Variants in IMPG2 observed in about 807,000 individuals in gnomAD.
IMPG2 encodes the protein IPM 200.
Under a neutral mutation model 129.2 loss-of-function variants are expected in IMPG2, and 91 were observed. The ratio of observed to expected loss-of-function variants is 0.70; its 90% confidence interval spans 0.59 to 0.84. IMPG2 has a LOEUF of 0.84. Ranked by LOEUF, IMPG2 falls within the 40% of genes least tolerant of loss-of-function variation. The pLI, the probability that IMPG2 is intolerant of heterozygous loss-of-function variation, is 0.00. For missense variants in IMPG2, 1,430 were observed against 1,461.7 expected, an observed-to-expected ratio of 0.98 and a Z score of 0.35; for synonymous variants, 510 against 517.7, an observed-to-expected ratio of 0.99 and a Z score of 0.20.
intron 4 of IMPG2, among the ~76,000 whole-genome samples, chr3:101,286,296 G>A (rs556788325): frequency 2.6e-5 from 4 of 152,084 alleles, no homozygotes; most frequent in Non-Finnish European, 4.4e-5. Flanking sequence ...ATTTAAAAGG[G>A]CAAATATCAT....
chr3:101,229,653 T>G, intron 16 of IMPG2, 63 bp from the exon 17 acceptor site: 1 of 1,394,286 alleles, frequency 7.2e-7, no homozygotes, highest in Non-Finnish European at 1.0e-6. Flanking sequence ...GGAAGACTAT[T>G]TACCTGGGAC....
Position 101,295,528 on chromosome 3 carries a change from T to C in IMPG2, c.502-4018A>G, listed in dbSNP as rs149048455. 3.0e-3 allele frequency among the ~76,000 whole-genome samples: 454 copies of C among 152,324 alleles called. 1 individual carries two copies. The highest frequency in any genetic ancestry group is 0.01 in the African/African-American group (426 of 41,566). ...AGGTAGCATGATGCTTCCAGCTTTG[T>C]TGTTTTTGCTTAAGATTGTCTTAGC... On this transcript the variant is annotated intron_variant, in intron 3 of 18. Transcript: ENST00000193391.
At chr3:101,281,516 T>C (rs906063245) in intron 4 of IMPG2, among the ~76,000 whole-genome samples, 2 of 152,156 alleles carry the variant, frequency 1.3e-5, no homozygotes, top group African/African-American at 4.8e-5. Context: ...TAGCAGAGTA[T>C]TTGGTGCAAG....
chr3:101,283,487 T>C (rs1416304315), intron 4 of IMPG2, among the ~76,000 whole-genome samples: 1 of 152,158 alleles, frequency 6.6e-6, no homozygotes, highest in Non-Finnish European at 1.5e-5. Context: ...ATGATGAAGG[T>C]GTTTTGTTTT....
intron 11 of IMPG2, among the ~76,000 whole-genome samples, chr3:101,250,094 A>T (rs1489108538): frequency 6.6e-6 from 1 of 152,096 alleles, no homozygotes; most frequent in East Asian, 1.9e-4. Flanking sequence ...ACACCATGGA[A>T]TTACCAGGAG....
chr3:101,290,746 T>G (rs541261159), intron 4 of IMPG2, among the ~76,000 whole-genome samples: 1 of 152,178 alleles, frequency 6.6e-6, no homozygotes, highest in East Asian at 1.9e-4. Flanking sequence ...CTGACTCTGA[T>G]GCCCAGGTTG....
intron 4 of IMPG2, among the ~76,000 whole-genome samples, chr3:101,286,654 C>T (rs1706949202): frequency 6.6e-6 from 1 of 152,200 alleles, no homozygotes; most frequent in Non-Finnish European, 1.5e-5. Context: ...ACCAGTCTAG[C>T]TTCCGATGGC....
At chr3:101,242,309 A>T (rs2107217555) in intron 14 of IMPG2, among the ~76,000 whole-genome samples, 1 of 152,334 alleles carries the variant, frequency 6.6e-6, no homozygotes, top group South Asian at 2.1e-4. Flanking sequence ...AGTTATTGAC[A>T]TTTATATAAG....
intron 14 of IMPG2, among the ~76,000 whole-genome samples, chr3:101,234,224 G>C (rs965212176): frequency 2.0e-5 from 3 of 150,660 alleles, no homozygotes; most frequent in Non-Finnish European, 4.4e-5. Context: ...TATAAGAAGA[G>C]GGAAATTTGG....
chr3:101,240,107 C>CTTTATTT (rs780368721), intron 14 of IMPG2, among the ~76,000 whole-genome samples: 1 of 151,744 alleles, frequency 6.6e-6, no homozygotes, highest in South Asian at 2.1e-4. Flanking sequence ...TTGTAATTCT[C>CTTTATTT]TTTATTTTTT....
chr3:101,227,679 G>A, intron 18 of IMPG2: 1 of 401,768 alleles, frequency 2.5e-6, no homozygotes. Context: ...GCAGACGCCT[G>A]GTGATATTGC....
chr3:101,227,396 T>A (rs553289846), intron 18 of IMPG2, among the ~76,000 whole-genome samples: 1 of 152,240 alleles, frequency 6.6e-6, no homozygotes, highest in South Asian at 2.1e-4. Flanking sequence ...AGACTCTGTG[T>A]GTGTATTTTA....
chr3:101,304,867 A>AAG (rs1553685934), intron 2 of IMPG2, among the ~76,000 whole-genome samples: 2 of 151,616 alleles, frequency 1.3e-5, no homozygotes, highest in Non-Finnish European at 2.9e-5. Flanking sequence ...AAAAAAAAAA[A>AAG]CAGGAGTATT....
chr3:101,229,156 G>A (rs116174022), intron 17 of IMPG2, among the ~76,000 whole-genome samples: 2,389 of 144,750 alleles, frequency 0.017, 72 homozygotes, highest in African/African-American at 0.057. Flanking sequence ...AAAAAAAAGC[G>A]CCATTGTGGG....
chr3:101,273,169 T>A (rs1706805862), intron 7 of IMPG2, among the ~76,000 whole-genome samples: 1 of 152,206 alleles, frequency 6.6e-6, no homozygotes, highest in African/African-American at 2.4e-5. Context: ...ACCTATGTGT[T>A]AACTATTGAA....
chr3:101,282,913 G>A (rs78758258), intron 4 of IMPG2, among the ~76,000 whole-genome samples: 1,874 of 152,184 alleles, frequency 0.012, 43 homozygotes, highest in African/African-American at 0.043. Flanking sequence ...CCAATTTTAC[G>A]AACAAATGTC....
chr3:101,274,915 G>A (rs1706824893), intron 6 of IMPG2, among the ~76,000 whole-genome samples: 1 of 152,102 alleles, frequency 6.6e-6, no homozygotes, highest in African/African-American at 2.4e-5. Context: ...CACCAGCCTT[G>A]TTCAGTGACA....
intron 2 of IMPG2, among the ~76,000 whole-genome samples, chr3:101,307,071 A>C (rs1224234387): frequency 1.3e-5 from 2 of 152,212 alleles, no homozygotes; most frequent in Non-Finnish European, 2.9e-5. Context: ...AATTTTTACA[A>C]TAGGTAAAAG....
At position 101,253,710 on chromosome 3, in the gene IMPG2, G is replaced by A; in HGVS notation, c.1225C>T (p.Pro409Ser). 3.1e-6 allele frequency: 5 copies of A among 1,610,968 alleles called. No individual in the cohort carries two copies. Among genetic ancestry groups the A allele is most frequent in the Non-Finnish European group, 4.2e-6 (5 of 1,178,102 alleles). Reference sequence around the variant, plus strand: ...TAAAAACATACCAGAATAGATGACGGCGTTGCCTGAAGACTTGAACTTTGG... The same window carrying A: ...TAAAAACATACCAGAATAGATGACGACGTTGCCTGAAGACTTGAACTTTGG... ...NTQSSSLQAT[P>S]SSILDNTFQA... The change falls in exon 11 of 19, where the codon CCG (proline) becomes TCG (serine). Residue 409 changes from proline (P) to serine (S), a missense_variant. Pro to Ser is a moderately conservative substitution (Grantham distance 74, BLOSUM62 -1). Transcript: ENST00000193391.
Sources: gnomAD v4.1 joint callset for allele counts (sites outside exome capture counted in the v4.1 genomes callset) on GRCh38, gnomAD v4.1.1 for gene constraint, MANE v1.5 for transcripts, NCBI Gene and HGNC (gene_info 2026-07-23, HGNC 2026-07-21) for gene names.